The following TMPRSS6 variants were observed in gnomAD, a reference collection of about 807,000 sequenced individuals.
TMPRSS6 encodes transmembrane serine protease 6.
In TMPRSS6, 67 loss-of-function variants were observed where a neutral mutation model predicts 101.5. That is an observed-to-expected ratio of 0.66 (90% CI 0.54 to 0.81). The LOEUF (loss-of-function observed/expected upper bound fraction) is 0.81, where lower values mean the gene tolerates loss of function less well. Among genes scored for constraint, TMPRSS6 ranks in the 30% least tolerant of loss-of-function variants. TMPRSS6 has a pLI of 0.00. For missense variants in TMPRSS6, 1,034 were observed against 1,088.7 expected (o/e 0.95, Z 0.71); for synonymous variants, 453 against 464.9 (o/e 0.97, Z 0.33).
Position 37,069,336 on chromosome 22 carries a change from G to T in TMPRSS6, c.1850C>A (p.Ser617Tyr), listed in dbSNP as rs910988788. The part of the protein sequence containing the change: ...AHCFQEDSMA[S>Y]TVLWTVFLGK... ...CAGGAACACGGTCCACAGCACCGTG[G>T]AGGCCATGCTGGGGTGGGGTGGGGT... The change falls in exon 16 of 18, where the codon TCC becomes TAC. Residue 617 changes from serine (S) to tyrosine (Y), a missense_variant. Coordinates refer to ENST00000676104, the MANE Select transcript of TMPRSS6 (RefSeq NM_001374504.1). This position sits in a 1 kb window ranked among gnomAD's most constrained non-coding sequence, Gnocchi z 4.8. 1 of 1,552,122 alleles carries T rather than the reference G, an allele frequency of 6.4e-7. No individual in the cohort carries two copies. Among genetic ancestry groups the T allele is most frequent in the Admixed American group, 1.8e-5 (1 of 56,434 alleles).
At position 37,097,855 on chromosome 22, in the gene TMPRSS6, C is replaced by T. The variant is rs531462047; in HGVS notation, c.336+561G>A. On this transcript the variant is annotated intron_variant, in intron 3 of 17. Transcript: ENST00000676104. Reference sequence around the variant, plus strand: ...TAACGGAGGGGGAAGAGCGGGCCACCGTCCTGTAACGGAGGGGGAGGAGAG... The same window carrying T: ...TAACGGAGGGGGAAGAGCGGGCCACTGTCCTGTAACGGAGGGGGAGGAGAG... 8.3e-5 allele frequency among the ~76,000 whole-genome samples: 10 copies of T among 120,616 alleles called. 1 individual carries two copies. The highest frequency in any genetic ancestry group is 3.2e-4 in the African/African-American group (10 of 31,578). The allele number at this position is 120,616 out of a possible 152,430, so 79.1% of individuals were successfully genotyped here.
intron 8 of TMPRSS6, among the ~76,000 whole-genome samples, chr22:37,085,173 T>C (rs1928631915): frequency 6.6e-6 from 1 of 152,176 alleles, no homozygotes. Flanking sequence ...CTCACGGTGG[T>C]GGCTGGGGGA....
At chr22:37,100,460 A>G (rs138493582) in intron 2 of TMPRSS6, among the ~76,000 whole-genome samples, 1 of 152,202 alleles carries the variant, frequency 6.6e-6, no homozygotes, top group Admixed American at 6.5e-5. Context: ...GAGGGTGGGA[A>G]GTGATTGGCG....
chr22:37,067,009 CCT>C (rs1568993421), intron 16 of TMPRSS6, 47 bp from the exon 17 acceptor site: 5 of 1,613,124 alleles, frequency 3.1e-6, no homozygotes, highest in Non-Finnish European at 3.4e-6. Flanking sequence ...GCCTGGAGCC[CCT>C]GTTCTCTATT....
chr22:37,066,191 C>T lies in TMPRSS6; in HGVS notation c.2298G>A (p.Trp766Ter), dbSNP rs1434210353. ...CCCAGCTGACCAGCCCCGCCAGGAA[C>T]CAGCGGCCACTGAGTGCCTTGCACA... ...PLVCKALSGR[W>*]FLAGLVSWGL... Residue 766 changes from tryptophan (W) to a stop codon, truncating the protein, a stop_gained, in exon 18 of 18, where the codon TGG (tryptophan) becomes TGA (stop). Transcript: ENST00000676104. LOFTEE classifies it high-confidence loss of function. 2 of 1,613,000 alleles carry T rather than the reference C, an allele frequency of 1.2e-6. No homozygotes were observed. The highest frequency in any genetic ancestry group is 1.7e-6 in the Non-Finnish European group (2 of 1,179,984).
intron 16 of TMPRSS6, among the ~76,000 whole-genome samples, chr22:37,067,809 T>A (rs1311127399): frequency 1.8e-5 from 1 of 56,434 alleles, no homozygotes; most frequent in African/African-American, 1.4e-4. Flanking sequence ...AAGATCCTTA[T>A]GCTGGCCGGC....
Position 37,086,421 on chromosome 22 carries a change from T to C in TMPRSS6, c.837-2A>G. The C allele has an allele frequency of 6.4e-7, 1 of 1,559,026 alleles. No individual in the cohort carries two copies. The highest frequency in any genetic ancestry group is 8.7e-7 in the Non-Finnish European group (1 of 1,151,292). On this transcript the variant is annotated splice_acceptor_variant, in intron 7 of 17. Transcript: ENST00000676104. LOFTEE classifies it high-confidence loss of function. The stretch of plus-strand genomic sequence containing the variant: ...TCCTGGCGGCTGCAGCCGTACACCC[T>C]GGCAGAACAGAAAGGTGGCAAGGCT...
At chr22:37,090,207 A>G (rs563157742) in intron 6 of TMPRSS6, among the ~76,000 whole-genome samples, 2 of 152,332 alleles carry the variant, frequency 1.3e-5, no homozygotes, top group Admixed American at 1.3e-4. Context: ...AGCTTTGAGA[A>G]AAGTACACAC....
intron 10 of TMPRSS6, chr22:37,082,925 G>T: frequency 2.2e-6 from 1 of 460,248 alleles, no homozygotes; most frequent in South Asian, 1.6e-5. Flanking sequence ...GTCATTCTTC[G>T]TCACCTTTTG....
chr22:37,090,584 CCTCA>C (rs1377368621), intron 6 of TMPRSS6, among the ~76,000 whole-genome samples: 3 of 152,200 alleles, frequency 2.0e-5, no homozygotes, highest in African/African-American at 7.2e-5. Flanking sequence ...GAATGCCTTC[CCTCA>C]CTGTCTCGCT....
chr22:37,091,943 C>G (rs1304524228), intron 6 of TMPRSS6, among the ~76,000 whole-genome samples: 1 of 152,186 alleles, frequency 6.6e-6, no homozygotes, highest in Non-Finnish European at 1.5e-5. Flanking sequence ...AGCTGACCTC[C>G]CCAGAGAGAG....
Position 37,101,842 on chromosome 22 carries a change from C to T in TMPRSS6, c.202+1374G>A, listed in dbSNP as rs544260773. ...AGTGCCCCGTGGTTTACCCTGTAGA[C>T]TAATTAGCCCGCTACCTGAGGAGGC... is the stretch of plus-strand genomic sequence containing the variant. On this transcript the variant is annotated intron_variant, in intron 2 of 17. Coordinates refer to ENST00000676104, the MANE Select transcript of TMPRSS6 (RefSeq NM_001374504.1). This position sits in a 1 kb window ranked among gnomAD's most constrained non-coding sequence, Gnocchi z 4.1. Among the ~76,000 whole-genome samples, 2 of 152,330 alleles carry T rather than the reference C, an allele frequency of 1.3e-5. No homozygotes were observed. The highest frequency in any genetic ancestry group is 3.4e-3 in the Middle Eastern group (1 of 294).
rs529147434 is a variant in TMPRSS6 at position 37,103,965 on chromosome 22, G to T, written c.-1-547C>A. Among the ~76,000 whole-genome samples the T allele has an allele frequency of 6.6e-6, 1 of 152,150 alleles. No individual in the cohort carries two copies. The highest frequency in any genetic ancestry group is 1.5e-5 in the Non-Finnish European group (1 of 68,012). ...GACCTGCCTTCCTTCACAGAGTACC[G>T]TCTCTCTCACCTTTCTGCTCTCAAA... is the stretch of plus-strand genomic sequence containing the variant. On this transcript the variant is annotated intron_variant, in intron 1 of 17. Coordinates refer to ENST00000676104, the MANE Select transcript of TMPRSS6 (RefSeq NM_001374504.1). This position sits in a 1 kb window ranked among gnomAD's most constrained non-coding sequence, Gnocchi z 4.4.
At chr22:37,074,513 A>G in intron 12 of TMPRSS6, 97 bp downstream of exon 12, 1 of 1,148,050 alleles carries the variant, frequency 8.7e-7, no homozygotes, top group Non-Finnish European at 1.3e-6. Flanking sequence ...TGGAAGCTGC[A>G]TGTAGAAGTG....
intron 7 of TMPRSS6, among the ~76,000 whole-genome samples, chr22:37,087,075 G>A (rs1928847563): frequency 1.3e-5 from 2 of 152,134 alleles, no homozygotes; most frequent in South Asian, 4.1e-4. Flanking sequence ...GCAGAGATAG[G>A]CCTGCGCTAG....
At chr22:37,070,835 G>A in intron 14 of TMPRSS6, 81 bp downstream of exon 14, 1 of 1,453,308 alleles carries the variant, frequency 6.9e-7, no homozygotes, top group Non-Finnish European at 9.6e-7. Flanking sequence ...GGGGACAACA[G>A]TGAGATTTCC....
intron 10 of TMPRSS6, chr22:37,083,190 A>G (rs1928398338): frequency 2.4e-6 from 1 of 413,664 alleles, no homozygotes. Flanking sequence ...ACCTGCGATG[A>G]AGGATAGAGT....
intron 10 of TMPRSS6, among the ~76,000 whole-genome samples, chr22:37,076,394 A>G (rs763793506): frequency 1.3e-5 from 2 of 152,066 alleles, no homozygotes; most frequent in African/African-American, 2.4e-5. Flanking sequence ...CAGCTGTGGG[A>G]GCACCCTCAC....
chr22:37,076,594 C>T (rs985392583), intron 10 of TMPRSS6, among the ~76,000 whole-genome samples: 7 of 152,188 alleles, frequency 4.6e-5, no homozygotes, highest in African/African-American at 1.4e-4. Flanking sequence ...GTCCGGTGCA[C>T]CTCACCCCAC....
Sources: gnomAD v4.1 joint callset for allele counts (sites outside exome capture counted in the v4.1 genomes callset) on GRCh38, gnomAD v4.1.1 for gene constraint, Gnocchi (gnomAD v3.1) non-coding constraint, MANE v1.5 for transcripts, NCBI Gene and HGNC (gene_info 2026-07-23, HGNC 2026-07-21) for gene names.